The following VWA5B1 variants were observed in gnomAD, a reference collection of about 807,000 sequenced individuals.
VWA5B1 encodes von Willebrand factor A domain containing 5B1.
VWA5B1 carries 115 observed loss-of-function variants against 118.2 expected under a neutral mutation model. The ratio of observed to expected loss-of-function variants is 0.97; its 90% CI spans 0.84 to 1.14. VWA5B1 has a LOEUF of 1.14. Ranked by LOEUF, VWA5B1 falls within the 50% of genes most tolerant of loss-of-function variation. The pLI is 0.00. For synonymous variants in VWA5B1, 682 were observed against 658.4 expected (o/e 1.04, Z -0.55); for missense variants, 1,596 against 1,603.8 (o/e 1.00, Z 0.08).
rs1378019593 is a variant in VWA5B1, at chr1:20,354,828, T to G, written c.*565T>G. 1 of 152,740 alleles carries G rather than the reference T, an allele frequency of 6.5e-6. No individual in the cohort carries two copies. Among genetic ancestry groups the G allele is most frequent in the Non-Finnish European group, 1.5e-5 (1 of 68,516 alleles). The allele number at this position is 152,740 out of a possible 1,614,324, so 9.5% of individuals were successfully genotyped here. A position where few individuals can be genotyped will look rare whatever the true frequency, so the allele number is the denominator to read the frequency against. Reference sequence around the variant, plus strand: ...CCAAGGACCCCCCCTAAATCCCACTTAAAAGCCAATTGGAGAAGCATCCTT... The same window carrying G: ...CCAAGGACCCCCCCTAAATCCCACTGAAAAGCCAATTGGAGAAGCATCCTT... On this transcript the variant is annotated 3_prime_UTR_variant, in exon 22 of 22. Transcript: ENST00000289815.
intron 11 of VWA5B1, among the ~76,000 whole-genome samples, chr1:20,331,394 C>T (rs1883165): frequency 0.2 from 29,752 of 152,174 alleles, 3,197 homozygotes; most frequent in East Asian, 0.39. Context: ...ACATTTGACA[C>T]GAATAATCTA....
Position 20,345,608 on chromosome 1 carries a change from C to A in VWA5B1, c.2764+15C>A. ...CCCCAACTCTGGTAAGGCAGGCGAGCGGCCGGGGGCACTCCTGGGGGCCAA... is the reference window on the plus strand; with the variant it reads ...CCCCAACTCTGGTAAGGCAGGCGAGAGGCCGGGGGCACTCCTGGGGGCCAA... On this transcript the variant is annotated intron_variant, in intron 17 of 21. Coordinates refer to ENST00000289815, the MANE Select transcript of VWA5B1 (RefSeq NM_001039500.3). 1.3e-6 allele frequency: 2 copies of A among 1,530,918 alleles called. No individual in the cohort carries two copies. The highest frequency in any genetic ancestry group is 1.8e-6 in the Non-Finnish European group (2 of 1,136,584). The allele number at this position is 1,530,918 out of a possible 1,614,324, so 94.8% of individuals were successfully genotyped here. A position where few individuals can be genotyped will look rare whatever the true frequency, so the allele number is the denominator to read the frequency against.
At chr1:20,297,043 C>T (rs1055629036) in intron 1 of VWA5B1, among the ~76,000 whole-genome samples, 7 of 152,222 alleles carry the variant, frequency 4.6e-5, no homozygotes, top group Non-Finnish European at 8.8e-5. Flanking sequence ...AGGCTCTCTT[C>T]TAAGGCACTG....
At chr1:20,327,766 G>C (rs1280716730) in intron 8 of VWA5B1, 124 bp from the exon 9 acceptor site, 1 of 833,454 alleles carries the variant, frequency 1.2e-6, no homozygotes, top group African/African-American at 1.7e-5. Context: ...GCTGGGTGCA[G>C]ACAGAGGAGG....
At chr1:20,346,371 A>G (rs954324175) in intron 17 of VWA5B1, among the ~76,000 whole-genome samples, 3 of 152,182 alleles carry the variant, frequency 2.0e-5, no homozygotes, top group African/African-American at 7.2e-5. Flanking sequence ...TGGATTATGC[A>G]TTTTCTTCCA....
chr1:20,342,540 G>A lies in VWA5B1; in HGVS notation c.2242G>A (p.Gly748Ser), dbSNP rs1431745451. Residue 748 changes from glycine to serine, a missense_variant, in exon 15 of 22, where the codon GGC becomes AGC. Gly to Ser is a moderately conservative substitution (Grantham distance 56). Transcript: ENST00000289815. ...AGGCTGCCAGCCCTTCCTGCCCTGG[G>A]GCCAGGAGACCCAGGCCTGGAGCCC... ...PQGCQPFLPW[G>S]QETQAWSPVR... 4 of 1,545,626 alleles carry A rather than the reference G, an allele frequency of 2.6e-6. No homozygotes were observed. Among genetic ancestry groups the A allele is most frequent in the East Asian group, 2.4e-5 (1 of 40,840 alleles).
intron 2 of VWA5B1, 36 bp downstream of exon 2, chr1:20,310,776 C>A: frequency 6.7e-7 from 1 of 1,495,744 alleles, no homozygotes; most frequent in Non-Finnish European, 8.9e-7. Context: ...CGGGACCACC[C>A]CCTCCTCCAC....
intron 1 of VWA5B1, among the ~76,000 whole-genome samples, chr1:20,299,952 A>G (rs889149175): frequency 2.6e-5 from 4 of 152,228 alleles, no homozygotes; most frequent in Non-Finnish European, 4.4e-5. Flanking sequence ...GGCCCTGCGT[A>G]AGAGCAGCTG....
chr1:20,292,306 G>A (rs528838600), intron 1 of VWA5B1, among the ~76,000 whole-genome samples: 110 of 152,166 alleles, frequency 7.2e-4, no homozygotes, highest in African/African-American at 2.6e-3. Flanking sequence ...GACTGGACGA[G>A]GCTCAAAGGG....
chr1:20,294,980 C>A (rs2088377723), intron 1 of VWA5B1, among the ~76,000 whole-genome samples: 1 of 152,208 alleles, frequency 6.6e-6, no homozygotes, highest in South Asian at 2.1e-4. Context: ...AGCAGTGCCA[C>A]CCTCTAGAAG....
chr1:20,345,658 G>A (rs900070179), intron 17 of VWA5B1, 65 bp downstream of exon 17: 33 of 1,472,388 alleles, frequency 2.2e-5, no homozygotes, highest in Non-Finnish European at 2.8e-5. Context: ...CTAGGGGAGG[G>A]GGCTGAGATA....
At position 20,308,940 on chromosome 1, in the gene VWA5B1, G is replaced by A. The variant is rs185005819; in HGVS notation, c.-26-1636G>A. On this transcript the variant is annotated intron_variant, in intron 1 of 21. Coordinates refer to ENST00000289815, the MANE Select transcript of VWA5B1 (RefSeq NM_001039500.3). ...TACCAGCCCAGGGAAGCTTTGCCTG[G>A]CACCTACCCCGCAGACAGGAAAACC... 2.6e-5 allele frequency among the ~76,000 whole-genome samples: 4 copies of A among 152,240 alleles called. No individual in the cohort carries two copies. The East Asian group carries it at 5.8e-4, about 22-fold the overall frequency.
rs1178363234 is a variant in VWA5B1 at position 20,352,154 on chromosome 1, C to T, written c.3123C>T (p.Ser1041=). 1 of 1,551,196 alleles carries T rather than the reference C, an allele frequency of 6.4e-7. No homozygotes were observed. The highest frequency in any genetic ancestry group is 1.4e-5 in the African/African-American group (1 of 73,036). ...TGGAGTCGACCTCCGGGAACCAGAG[C>T]TTCGACTACATACCTCTGGTGAGTG... ...KAVESTSGNQ[S]FDYIPLVSLQ... The change falls in exon 21 of 22, where the codon AGC becomes AGT. Residue 1041 remains serine, a synonymous_variant. Transcript: ENST00000289815.
At position 20,318,845 on chromosome 1, in the gene VWA5B1, G is replaced by A. The variant is rs576594812; in HGVS notation, c.841+124G>A. On this transcript the variant is annotated intron_variant, in intron 6 of 21. Transcript: ENST00000289815. ...TAGCCAGGGAAAGAGTCGGGGTGGGGGGTGTGGCCAAGGAGAGGAGACCCA... is the reference window on the plus strand; with the variant it reads ...TAGCCAGGGAAAGAGTCGGGGTGGGAGGTGTGGCCAAGGAGAGGAGACCCA... 1.4e-4 allele frequency: 197 copies of A among 1,381,442 alleles called. No homozygotes were observed. The South Asian group carries it at 3.0e-3, about 21-fold the overall frequency. The allele number at this position is 1,381,442 out of a possible 1,614,324, so 85.6% of individuals were successfully genotyped here. A position where few individuals can be genotyped will look rare whatever the true frequency, so the allele number is the denominator to read the frequency against.
intron 1 of VWA5B1, chr1:20,294,118 C>T (rs1308265788): frequency 6.6e-6 from 1 of 152,218 alleles, no homozygotes. Flanking sequence ...CTTGCAGTCT[C>T]AAGTGGGGAG....
In VWA5B1 at chr1:20,357,038, G is replaced by A. The variant is rs1489790709; in HGVS notation, c.*2775G>A. Among the ~76,000 whole-genome samples the A allele has an allele frequency of 2.6e-5, 4 of 152,178 alleles. No individual in the cohort carries two copies. The highest frequency in any genetic ancestry group is 4.4e-5 in the Non-Finnish European group (3 of 68,038). ...ATCTCATTTACTTTGGGTTAATCTG[G>A]TTTAACTTGCTAAACCAGCCCTTGC... On this transcript the variant is annotated 3_prime_UTR_variant, in exon 22 of 22. Coordinates refer to ENST00000289815, the MANE Select transcript of VWA5B1 (RefSeq NM_001039500.3).
At chr1:20,333,781 T>C (rs2089639191) in intron 12 of VWA5B1, among the ~76,000 whole-genome samples, 2 of 152,114 alleles carry the variant, frequency 1.3e-5, no homozygotes, top group African/African-American at 4.8e-5. Context: ...ATGTGAGAGG[T>C]TGCCAAAGAA....
Position 20,358,901 on chromosome 1 carries a change from G to T in VWA5B1, c.*4638G>T, listed in dbSNP as rs1477169205. On this transcript the variant is annotated 3_prime_UTR_variant, in exon 22 of 22. Transcript: ENST00000289815. ...ATCTGATCCGCAGAGATCTGTCCAA[G>T]GTCAGGGGCTTGGCAGCAGCTCCTG... Among the ~76,000 whole-genome samples, 1 of 152,206 alleles carries T rather than the reference G, an allele frequency of 6.6e-6. No individual in the cohort carries two copies. Among genetic ancestry groups the T allele is most frequent in the African/African-American group, 2.4e-5 (1 of 41,450 alleles).
At chr1:20,294,346 C>T (rs12141248) in intron 1 of VWA5B1, 34,364 of 152,138 alleles carry the variant, frequency 0.23, 4,383 homozygotes, top group East Asian at 0.39. Context: ...CAAGGATGAG[C>T]CTGCAAAACT....
Sources: allele counts gnomAD v4.1 joint callset (sites outside exome capture counted in the v4.1 genomes callset), GRCh38; gene constraint gnomAD v4.1.1; transcripts MANE v1.5; gene names NCBI Gene and HGNC (gene_info 2026-07-23, HGNC 2026-07-21).